Variants in SMUG1 observed in about 807,000 individuals in gnomAD.
SMUG1 encodes single-strand selective monofunctional uracil DNA glycosylase.
SMUG1 carries 13 observed loss-of-function variants against 23.9 expected under a neutral mutation model. That is an observed-to-expected ratio of 0.54 (90% CI 0.35 to 0.86). The LOEUF (loss-of-function observed/expected upper bound fraction) is 0.86, where lower values mean the gene tolerates loss of function less well. Among genes scored for constraint, SMUG1 ranks in the 40% least tolerant of loss-of-function variants. The pLI is 0.01. For synonymous variants in SMUG1, 133 were observed against 139.8 expected, an observed-to-expected ratio of 0.95 and a Z score of 0.34; for missense variants, 313 against 339.5, an observed-to-expected ratio of 0.92 and a Z score of 0.61.
intron 2 of SMUG1, among the ~76,000 whole-genome samples, chr12:54,185,179 G>T (rs756442032): frequency 6.6e-6 from 1 of 152,088 alleles, no homozygotes; most frequent in Non-Finnish European, 1.5e-5. Context: ...ATGGTGGTAC[G>T]TGCCTGTAAT....
downstream of SMUG1, among the ~76,000 whole-genome samples, chr12:54,160,412 G>A (rs953636329): frequency 3.9e-5 from 6 of 152,214 alleles, no homozygotes; most frequent in Non-Finnish European, 8.8e-5. Context: ...CCTGAGGAGG[G>A]GTAGGGAAGA....
chr12:54,162,816 T>C (rs1377694251), downstream of SMUG1: 3 of 152,116 alleles, frequency 2.0e-5, no homozygotes, highest in Non-Finnish European at 2.9e-5. Context: ...CCCCACCCCA[T>C]GGCCAAAGTG....
At chr12:54,173,322 C>A (rs1872633) in intron 2 of SMUG1, 93,312 of 153,466 alleles carry the variant, frequency 0.61, 28,587 homozygotes, top group South Asian at 0.75. Flanking sequence ...GGTGCATGCA[C>A]CCCAAGAGAT....
At chr12:54,167,020 A>AT (rs1940488902) in intron 3 of SMUG1, among the ~76,000 whole-genome samples, 1 of 152,228 alleles carries the variant, frequency 6.6e-6, no homozygotes, top group Non-Finnish European at 1.5e-5. Flanking sequence ...GCCTCCAAGC[A>AT]TCTGGCATTG....
intron 3 of SMUG1, among the ~76,000 whole-genome samples, chr12:54,170,415 G>A (rs546334344): frequency 1.1e-4 from 16 of 152,150 alleles, no homozygotes; most frequent in African/African-American, 3.9e-4. Context: ...GTGTTTGGAG[G>A]GGAATGAAGC....
downstream of SMUG1, among the ~76,000 whole-genome samples, chr12:54,160,653 T>C (rs2136527129): frequency 6.6e-6 from 1 of 152,318 alleles, no homozygotes; most frequent in South Asian, 2.1e-4. Flanking sequence ...TGAAGGTCTC[T>C]CTGGATCCTG....
chr12:54,179,165 C>T (rs547101780), downstream of SMUG1, among the ~76,000 whole-genome samples: 4 of 152,330 alleles, frequency 2.6e-5, no homozygotes, highest in South Asian at 2.1e-4. Flanking sequence ...ATTTGGGACT[C>T]GGACTGAGCC....
intron 2 of SMUG1, chr12:54,184,230 T>G (rs1941807004): frequency 3.1e-6 from 1 of 318,794 alleles, no homozygotes; most frequent in Middle Eastern, 8.8e-4. Flanking sequence ...ACTCCAAATC[T>G]CCTTTCCATC....
At chr12:54,161,346 G>C (rs993385502), downstream of SMUG1, among the ~76,000 whole-genome samples, 1 of 152,172 alleles carries the variant, frequency 6.6e-6, no homozygotes, top group Non-Finnish European at 1.5e-5. This position sits in a 1 kb window ranked among gnomAD's most constrained non-coding sequence, Gnocchi z 4.2. Context: ...GAGGAGGAGA[G>C]AGGGAGGTAC....
downstream of SMUG1, among the ~76,000 whole-genome samples, chr12:54,161,219 A>G (rs1328864412): frequency 2.6e-5 from 4 of 152,020 alleles, no homozygotes; most frequent in Non-Finnish European, 5.9e-5. This position sits in a 1 kb window ranked among gnomAD's most constrained non-coding sequence, Gnocchi z 4.2. Flanking sequence ...TATAGAAGCA[A>G]GCAATAAATT....
Position 54,181,934 on chromosome 12 carries a change from TG to T in SMUG1, c.*161del. On this transcript the variant is annotated 3_prime_UTR_variant, in exon 4 of 4. Transcript: ENST00000682136. ...AACAGGAGTAGTGTCAAAACTGCCA[TG>T]GCAGGTTGGAAGACAGTTCAACAGA... 2 of 1,466,548 alleles carry T rather than the reference TG, an allele frequency of 1.4e-6. No homozygotes were observed. Among genetic ancestry groups the T allele is most frequent in the Non-Finnish European group, 1.8e-6 (2 of 1,112,190 alleles). 90.8% of individuals were successfully genotyped at this position (1,466,548 alleles called of 1,614,324 possible).
chr12:54,163,190 C>T (rs574427745), downstream of SMUG1: 2 of 152,296 alleles, frequency 1.3e-5, no homozygotes, highest in South Asian at 4.2e-4. Flanking sequence ...GCTCAAAGCA[C>T]CTGGACTAGT....
chr12:54,175,646 C>T (rs1458481782), downstream of SMUG1, among the ~76,000 whole-genome samples: 2 of 152,196 alleles, frequency 1.3e-5, no homozygotes, highest in East Asian at 1.9e-4. Flanking sequence ...GTGCCCAGAG[C>T]GCTGTGTTTA....
Position 54,183,683 on chromosome 12 carries a change from A to C in SMUG1, c.258T>G (p.Pro86=), listed in dbSNP as rs746172372. The change falls in exon 3 of 4, where the codon CCT becomes CCG. Residue 86 remains proline (P), a synonymous_variant. Coordinates refer to ENST00000682136, the MANE Select transcript of SMUG1 (RefSeq NM_001243787.2). ...CAGTCTGGGCCATGCCAAAAGGTCC[A>C]GGGTTCATGCCCAGGAAGAGTACTT... ...PKEVLFLGMN[P]GPFGMAQTGV... 3 of 1,613,870 alleles carry C rather than the reference A, an allele frequency of 1.9e-6. No homozygotes were observed. Among genetic ancestry groups the C allele is most frequent in the Non-Finnish European group, 1.7e-6 (2 of 1,179,964 alleles).
intron 3 of SMUG1, among the ~76,000 whole-genome samples, chr12:54,170,198 T>TAAAAA (rs34662291): frequency 7.4e-6 from 1 of 135,718 alleles, no homozygotes; most frequent in African/African-American, 2.7e-5. Flanking sequence ...AACTCTGTCT[T>TAAAAA]AAAAAAAAAA....
chr12:54,183,989 C>G, intron 2 of SMUG1, 30 bp from the exon 3 acceptor site: 3 of 1,453,332 alleles, frequency 2.1e-6, no homozygotes, highest in Non-Finnish European at 2.7e-6. Context: ...GAAGCCCCAT[C>G]AACCCTCAGC....
intron 3 of SMUG1, chr12:54,168,450 AGATCCCCAGGT>A (rs1170950378): frequency 6.6e-6 from 1 of 152,234 alleles, no homozygotes; most frequent in Non-Finnish European, 1.5e-5. Context: ...CAGTTTAGCA[AGATCCCCAGGT>A]GATTTTTATG....
intron 2 of SMUG1, among the ~76,000 whole-genome samples, chr12:54,184,665 C>T (rs149069112): frequency 6.2e-4 from 94 of 152,330 alleles, no homozygotes; most frequent in Middle Eastern, 3.4e-3. Flanking sequence ...TAACCACCCA[C>T]GCCATCTTGC....
At chr12:54,167,944 G>A (rs1940523854) in intron 3 of SMUG1, among the ~76,000 whole-genome samples, 1 of 152,196 alleles carries the variant, frequency 6.6e-6, no homozygotes, top group South Asian at 2.1e-4. Context: ...CAGGTAGTCT[G>A]GATAATGTTC....
Sources: allele counts gnomAD v4.1 joint callset (sites outside exome capture counted in the v4.1 genomes callset), GRCh38; gene constraint gnomAD v4.1.1; non-coding constraint Gnocchi (gnomAD v3.1); transcripts MANE v1.5; gene names NCBI Gene and HGNC (gene_info 2026-07-23, HGNC 2026-07-21).